CYP7A1: variants seen among roughly 807,000 people sequenced by gnomAD.
The protein encoded by CYP7A1 is cytochrome P450 7A1.
CYP7A1 carries 28 observed loss-of-function variants against 43.8 expected under a neutral mutation model. The ratio of observed to expected loss-of-function variants is 0.64; its 90% confidence interval spans 0.47 to 0.88. The LOEUF (loss-of-function observed/expected upper bound fraction) is 0.88. Ranked by LOEUF, CYP7A1 falls within the 40% of genes least tolerant of loss-of-function variation. The pLI is 0.00. For synonymous variants in CYP7A1, 227 were observed against 222.5 expected (o/e 1.02, Z -0.18); for missense variants, 637 against 611.9 (o/e 1.04, Z -0.43).
Position 58,492,584 on chromosome 8 carries a change from A to G in CYP7A1, c.1040-56T>C, listed in dbSNP as rs1809368158. 2.8e-6 allele frequency: 4 copies of G among 1,448,134 alleles called. No homozygotes were observed. The South Asian group carries it at 3.5e-5, about 13-fold the overall frequency. The allele number at this position is 1,448,134 out of a possible 1,614,324, so 89.7% of individuals were successfully genotyped here. A position where few individuals can be genotyped will look rare whatever the true frequency, so the allele number is the denominator to read the frequency against. On this transcript the variant is annotated intron_variant, in intron 4 of 5. Transcript: ENST00000301645. ...AATGAAAGAAGGAAGGGAGGAAGGAAGAGAAGAACAAACCAAGTGTTTGAA... is the reference window on the plus strand; with the variant it reads ...AATGAAAGAAGGAAGGGAGGAAGGAGGAGAAGAACAAACCAAGTGTTTGAA...
Position 58,500,149 on chromosome 8 carries a change from G to A in CYP7A1, c.-51C>T. On this transcript the variant is annotated 5_prime_UTR_variant, in exon 1 of 6. Coordinates refer to ENST00000301645, the MANE Select transcript of CYP7A1 (RefSeq NM_000780.4). Reference sequence around the variant, plus strand: ...GAGGAAGAAAATCTCTGATTAGAAAGGGAAGGATGCCACTGAAAAGAGACT... The same window carrying A: ...GAGGAAGAAAATCTCTGATTAGAAAAGGAAGGATGCCACTGAAAAGAGACT... 1.4e-6 allele frequency: 2 copies of A among 1,414,996 alleles called. No individual in the cohort carries two copies. Among genetic ancestry groups the A allele is most frequent in the Non-Finnish European group, 2.0e-6 (2 of 999,102 alleles). 87.7% of individuals were successfully genotyped at this position (1,414,996 alleles called of 1,614,324 possible).
At chr8:58,499,150 G>C (rs928456452) in intron 1 of CYP7A1, among the ~76,000 whole-genome samples, 1 of 152,138 alleles carries the variant, frequency 6.6e-6, no homozygotes, top group Non-Finnish European at 1.5e-5. Context: ...TGTACCTCTT[G>C]ATAGAATAAT....
Position 58,496,945 on chromosome 8 carries a change from G to GA in CYP7A1, c.566_567insT (p.Arg190GlnfsTer18). 2.5e-6 allele frequency: 4 copies of GA among 1,614,156 alleles called. No homozygotes were observed. Among genetic ancestry groups the GA allele is most frequent in the Non-Finnish European group, 3.4e-6 (4 of 1,180,024 alleles). On this transcript the variant is annotated frameshift_variant, in exon 3 of 6. Coordinates refer to ENST00000301645, the MANE Select transcript of CYP7A1 (RefSeq NM_000780.4). LOFTEE classifies it high-confidence loss of function. ...GTGTGTCCCGCCTTGTAAGATCTCTGCCAAAGATAGTTAAATACCCAGCTT... is the reference window on the plus strand; with the variant it reads ...GTGTGTCCCGCCTTGTAAGATCTCTGACCAAAGATAGTTAAATACCCAGCTT...
chr8:58,491,604 A>G lies in CYP7A1; in HGVS notation c.1386T>C (p.Leu462=). The change falls in exon 6 of 6, where the codon CTT becomes CTC. Residue 462 remains leucine (L), a synonymous_variant. Transcript: ENST00000301645. The stretch of plus-strand genomic sequence containing the variant: ...CTATAAGCTCCAATTCAAAATAAGA[A>G]AGCATCAGAATCAAAAATTGCTTGA... ...HEIKQFLILM[L]SYFELELIEG... 1 of 1,614,238 alleles carries G rather than the reference A, an allele frequency of 6.2e-7. No individual in the cohort carries two copies.
In CYP7A1 at chr8:58,490,578, A is replaced by G. The variant is rs1585639991; in HGVS notation, c.*897T>C. ...TTTCAGTGATAATGTGTATTTAACAATGACAGAAAAACTACCTTTTTTAAT... is the reference window on the plus strand; with the variant it reads ...TTTCAGTGATAATGTGTATTTAACAGTGACAGAAAAACTACCTTTTTTAAT... On this transcript the variant is annotated 3_prime_UTR_variant, in exon 6 of 6. Transcript: ENST00000301645. 1 of 152,372 alleles carries G rather than the reference A, an allele frequency of 6.6e-6. No homozygotes were observed. The highest frequency in any genetic ancestry group is 1.9e-4 in the East Asian group (1 of 5,194). The allele number at this position is 152,372 out of a possible 1,614,324, so 9.4% of individuals were successfully genotyped here.
intron 3 of CYP7A1, among the ~76,000 whole-genome samples, chr8:58,495,133 CGAAA>C (rs1809418183): frequency 7.1e-6 from 1 of 141,070 alleles, no homozygotes. Flanking sequence ...GACTCTGTCT[CGAAA>C]AAAAAAATAA....
intron 2 of CYP7A1, 46 bp downstream of exon 2, chr8:58,498,183 A>T (rs1809477525): frequency 1.2e-6 from 2 of 1,607,620 alleles, no homozygotes; most frequent in East Asian, 4.5e-5. Flanking sequence ...AGCACATAAA[A>T]AGGTAGAAGA....
intron 1 of CYP7A1, among the ~76,000 whole-genome samples, chr8:58,498,763 C>G (rs1347656869): frequency 6.6e-6 from 1 of 152,126 alleles, no homozygotes; most frequent in African/African-American, 2.4e-5. Context: ...GTGATACAGG[C>G]AAAAGGATTT....
chr8:58,496,904 A>C lies in CYP7A1; in HGVS notation c.608T>G (p.Leu203Arg). The change falls in exon 3 of 6, where the codon CTA becomes CGA. Residue 203 changes from leucine to arginine, a missense_variant. Leu to Arg is a moderately radical substitution (Grantham distance 102). Transcript: ENST00000301645. ...TRRDTQKAHI[L>R]NNLDNFKQFD... Reference sequence around the variant, plus strand: ...TTGCTTGAAGTTGTCAAGATTGTTTAGAATATGTGCTTTCTGTGTGTCCCG... The same window carrying C: ...TTGCTTGAAGTTGTCAAGATTGTTTCGAATATGTGCTTTCTGTGTGTCCCG... 1 of 1,614,208 alleles carries C rather than the reference A, an allele frequency of 6.2e-7. No homozygotes were observed. Among genetic ancestry groups the C allele is most frequent in the Non-Finnish European group, 8.5e-7 (1 of 1,180,042 alleles).
intron 5 of CYP7A1, 111 bp from the exon 6 acceptor site, chr8:58,491,885 A>G: frequency 1.1e-6 from 1 of 874,118 alleles, no homozygotes; most frequent in East Asian, 2.5e-5. Context: ...CTACCCCATT[A>G]GTGATTTAGC....
At chr8:58,495,215 T>TTTATTTATTTATTTA (rs1809420243) in intron 3 of CYP7A1, among the ~76,000 whole-genome samples, 2 of 143,404 alleles carry the variant, frequency 1.4e-5, no homozygotes, top group African/African-American at 5.3e-5. Flanking sequence ...TTTATTTTAT[T>TTTATTTATTTATTTA]TTTATTTATT....
chr8:58,496,626 A>G lies in CYP7A1; in HGVS notation c.886T>C (p.Trp296Arg), dbSNP rs1212431115. Residue 296 changes from tryptophan (W) to arginine (R), a missense_variant, in exon 3 of 6, where the codon TGG becomes CGG. Physicochemically the swap from Trp to Arg is moderately radical, Grantham distance 101 (BLOSUM62 -3). Coordinates refer to ENST00000301645, the MANE Select transcript of CYP7A1 (RefSeq NM_000780.4). ...CACCTAATCATTTGAAATAAACTCC[A>G]GAAAGTCGCTGGAATGGTGTTTGCT... ...SQANTIPATF[W>R]SLFQMIRNPE... 2 of 1,614,066 alleles carry G rather than the reference A, an allele frequency of 1.2e-6. No individual in the cohort carries two copies. Among genetic ancestry groups the G allele is most frequent in the Admixed American group, 1.7e-5 (1 of 60,020 alleles).
In CYP7A1 at chr8:58,490,418, G is replaced by A. The variant is rs1271088148; in HGVS notation, c.*1057C>T. ...GTTTTTTTCATCTGCAAGTCATTTA[G>A]CGATAAAAAGCATTTAAATAAAACA... On this transcript the variant is annotated 3_prime_UTR_variant, in exon 6 of 6. Coordinates refer to ENST00000301645, the MANE Select transcript of CYP7A1 (RefSeq NM_000780.4). 1 of 151,988 alleles carries A rather than the reference G, an allele frequency of 6.6e-6. No homozygotes were observed. The highest frequency in any genetic ancestry group is 1.9e-4 in the East Asian group (1 of 5,196). 9.4% of individuals were successfully genotyped at this position (151,988 alleles called of 1,614,324 possible).
At chr8:58,495,258 C>CAT in intron 3 of CYP7A1, among the ~76,000 whole-genome samples, 1 of 34,786 alleles carries the variant, frequency 2.9e-5, no homozygotes, top group Non-Finnish European at 5.7e-5. Flanking sequence ...CGGAGTCTTG[C>CAT]TCTGTCGCCC....
rs148119788 is a variant in CYP7A1, at chr8:58,491,549, G to T, written c.1441C>A (p.Gln481Lys). The T allele has an allele frequency of 1.2e-6, 2 of 1,614,136 alleles. No homozygotes were observed. Among genetic ancestry groups the T allele is most frequent in the Non-Finnish European group, 1.7e-6 (2 of 1,179,992 alleles). ...EGQAKCPPLD[Q>K]SRAGLGILPP... ...AAAATGCCCAAGCCTGCCCGGGACT[G>T]GTCCAAAGGTGGACATTTAGCTTGG... Residue 481 changes from glutamine to lysine, a missense_variant, in exon 6 of 6, where the codon CAG becomes AAG. Coordinates refer to ENST00000301645, the MANE Select transcript of CYP7A1 (RefSeq NM_000780.4).
chr8:58,492,679 G>A (rs1809370774), intron 4 of CYP7A1, 151 bp from the exon 5 acceptor site: 1 of 666,320 alleles, frequency 1.5e-6, no homozygotes, highest in African/African-American at 1.8e-5. Flanking sequence ...ACAGGGTATG[G>A]GAAGCTGATC....
At position 58,496,663 on chromosome 8, in the gene CYP7A1, G is replaced by A. The variant is rs1809446315; in HGVS notation, c.849C>T (p.Leu283=). 1 of 1,614,218 alleles carries A rather than the reference G, an allele frequency of 6.2e-7. No homozygotes were observed. Among genetic ancestry groups the A allele is most frequent in the Non-Finnish European group, 8.5e-7 (1 of 1,180,036 alleles). Residue 283 remains leucine, a synonymous_variant, in exon 3 of 6, where the codon CTC becomes CTT. Transcript: ENST00000301645. The part of the protein sequence containing the change: ...LEKAKTHLVV[L]WASQANTIPA... ...GAATGGTGTTTGCTTGCGATGCCCA[G>A]AGGACCACGAGGTGTGTCTTGGCCT...
chr8:58,494,417 G>T, intron 4 of CYP7A1, 89 bp downstream of exon 4: 5 of 1,407,050 alleles, frequency 3.6e-6, no homozygotes, highest in Non-Finnish European at 5.0e-6. Flanking sequence ...TTAATGCCTA[G>T]AATTCGGTAA....
In CYP7A1 at chr8:58,497,178, T is replaced by C. The variant is rs577011584; in HGVS notation, c.334A>G (p.Arg112Gly). ...FATSAKAFGH[R>G]SIDPMDGNTT... ...TTTCCATCCATCGGGTCAATGCTTC[T>C]GTGCCCAAATGCCTGATAGCAAATA... The change falls in exon 3 of 6, where the codon AGA becomes GGA. Residue 112 changes from arginine to glycine, a missense_variant. Transcript: ENST00000301645. 4 of 1,599,352 alleles carry C rather than the reference T, an allele frequency of 2.5e-6. No individual in the cohort carries two copies. Among genetic ancestry groups the C allele is most frequent in the East Asian group, 4.5e-5 (2 of 44,880 alleles).
Sources: allele counts gnomAD v4.1 joint callset (sites outside exome capture counted in the v4.1 genomes callset), GRCh38; gene constraint gnomAD v4.1.1; transcripts MANE v1.5; gene names NCBI Gene and HGNC (gene_info 2026-07-23, HGNC 2026-07-21).